The following BLOC1S6 variants were observed in gnomAD, a reference collection of about 807,000 sequenced individuals.
BLOC1S6 encodes the protein biogenesis of lysosome-related organelles complex 1 subunit 6.
In BLOC1S6, 24 loss-of-function variants were observed where a neutral mutation model predicts 24.7. The ratio of observed to expected loss-of-function variants is 0.97; its 90% CI spans 0.70 to 1.37. The LOEUF (loss-of-function observed/expected upper bound fraction) is 1.37. BLOC1S6 is among the 40% of genes most tolerant of loss of function. The pLI, the probability that BLOC1S6 is intolerant of heterozygous loss-of-function variation, is 0.00. For synonymous variants in BLOC1S6, 76 were observed against 72.6 expected, an observed-to-expected ratio of 1.05 and a Z score of -0.23; for missense variants, 175 against 196.2, an observed-to-expected ratio of 0.89 and a Z score of 0.64.
rs1441970960 is a variant in BLOC1S6, at chr15:45,608,410, TATA to T, written c.*1900_*1902del. The T allele has an allele frequency of 6.6e-6, 1 of 152,244 alleles. No individual in the cohort carries two copies. The highest frequency in any genetic ancestry group is 2.4e-5 in the African/African-American group (1 of 41,470). The allele number at this position is 152,244 out of a possible 1,614,324, so 9.4% of individuals were successfully genotyped here. ...CACCTAAATTGCTGAATGTACTCAT[TATA>T]ATATGATATCTGACAAAGGTAGTAC... is the stretch of plus-strand genomic sequence containing the variant. On this transcript the variant is annotated 3_prime_UTR_variant, in exon 5 of 5. Coordinates refer to ENST00000220531, the MANE Select transcript of BLOC1S6 (RefSeq NM_012388.4).
Position 45,605,447 on chromosome 15 carries a change from A to C in BLOC1S6, c.332A>C (p.Tyr111Ser). The C allele has an allele frequency of 6.2e-7, 1 of 1,612,566 alleles. No individual in the cohort carries two copies. Among genetic ancestry groups the C allele is most frequent in the Non-Finnish European group, 8.5e-7 (1 of 1,179,024 alleles). Reference protein sequence around the residue: ...INALFAEAKHYHAKLVNIRKE... With the variant: ...INALFAEAKHSHAKLVNIRKE... ...GTTAAGTTTGCTGAGGCTAAACACT[A>C]TCATGCCAAGTTGGTGAATATAAGA... Residue 111 changes from tyrosine (Y) to serine (S), a missense_variant, in exon 4 of 5, where the codon TAT (tyrosine) becomes TCT (serine). Coordinates refer to ENST00000220531, the MANE Select transcript of BLOC1S6 (RefSeq NM_012388.4).
chr15:45,587,944 T>C, intron 1 of BLOC1S6: 2 of 590,752 alleles, frequency 3.4e-6, no homozygotes, highest in Non-Finnish European at 6.0e-6. Context: ...ACTTCATCCC[T>C]ATTCCTGCAG....
intron 2 of BLOC1S6, among the ~76,000 whole-genome samples, chr15:45,592,983 T>G (rs966342374): frequency 6.6e-6 from 1 of 152,132 alleles, no homozygotes; most frequent in African/African-American, 2.4e-5. Context: ...ACCTACCCTT[T>G]GAAAACTTAC....
intron 1 of BLOC1S6, among the ~76,000 whole-genome samples, chr15:45,589,391 C>T (rs183995755): frequency 4.8e-4 from 73 of 152,300 alleles, no homozygotes; most frequent in African/African-American, 1.7e-3. Flanking sequence ...CAGTTTGTGC[C>T]TCCCTCTGTA....
At position 45,602,383 on chromosome 15, in the gene BLOC1S6, AC is replaced by A. The variant is rs1388551252; in HGVS notation, c.225-714del. 1.0e-5 allele frequency: 7 copies of A among 681,500 alleles called. No individual in the cohort carries two copies. In the East Asian group the frequency reaches 1.6e-4, roughly 16 times the overall value. 42.2% of individuals were successfully genotyped at this position (681,500 alleles called of 1,614,324 possible). A position where few individuals can be genotyped will look rare whatever the true frequency, so the allele number is the denominator to read the frequency against. ...ATTCTTTAAAATATTCAGGTAGGTG[AC>A]CCTTTTAATGTCACTTATTCCTGTG... On this transcript the variant is annotated intron_variant, in intron 2 of 4. Transcript: ENST00000220531.
upstream of BLOC1S6, chr15:45,587,231 G>C (rs1893703265): frequency 4.8e-5 from 30 of 619,472 alleles, no homozygotes; most frequent in East Asian, 8.4e-4. Flanking sequence ...ACTGCGTCCG[G>C]GGCCAGACGA....
At chr15:45,605,558 T>A in intron 4 of BLOC1S6, 44 bp downstream of exon 4, 2 of 1,352,722 alleles carry the variant, frequency 1.5e-6, no homozygotes, top group Non-Finnish European at 2.1e-6. Flanking sequence ...AGTAGAGGTT[T>A]AATTGTTTTT....
intron 2 of BLOC1S6, chr15:45,599,381 A>G: frequency 3.5e-5 from 3 of 86,152 alleles, no homozygotes; most frequent in Admixed American, 1.3e-4. Context: ...AGAAACTACC[A>G]TCAGAGTGAA....
At chr15:45,600,638 G>C (rs970765297) in intron 2 of BLOC1S6, among the ~76,000 whole-genome samples, 1 of 152,142 alleles carries the variant, frequency 6.6e-6, no homozygotes, top group African/African-American at 2.4e-5. Context: ...CCAGCTTTGC[G>C]TATTTGGCAG....
intron 1 of BLOC1S6, among the ~76,000 whole-genome samples, chr15:45,590,852 A>G (rs932193372): frequency 1.3e-5 from 2 of 152,164 alleles, no homozygotes; most frequent in Non-Finnish European, 2.9e-5. Context: ...TTGAAGAGAG[A>G]TGTTTCAGAG....
At position 45,587,549 on chromosome 15, in the gene BLOC1S6, G is replaced by T. The variant is rs559573954; in HGVS notation, c.82+24G>T. 11 of 1,552,248 alleles carry T rather than the reference G, an allele frequency of 7.1e-6. 1 individual carries two copies. The highest frequency in any genetic ancestry group is 1.8e-4 in the Middle Eastern group (1 of 5,406). ...TGGTACGTACTATCGGGTGGGAAGC[G>T]CGGCCCGGGCTGGGTGTGAGGGGCG... On this transcript the variant is annotated intron_variant, in intron 1 of 4. Transcript: ENST00000220531.
In BLOC1S6 at chr15:45,607,962, G is replaced by T. The variant is rs1894536812; in HGVS notation, c.*1448G>T. The T allele has an allele frequency of 1.3e-5, 2 of 152,288 alleles. No homozygotes were observed. Among genetic ancestry groups the T allele is most frequent in the Admixed American group, 6.6e-5 (1 of 15,258 alleles). 9.4% of individuals were successfully genotyped at this position (152,288 alleles called of 1,614,324 possible). Reference sequence around the variant, plus strand: ...AATTTATTGTTTGAGGGAAATACGAGGTTTCATTGTTTAAAATCAAGAGTG... The same window carrying T: ...AATTTATTGTTTGAGGGAAATACGATGTTTCATTGTTTAAAATCAAGAGTG... On this transcript the variant is annotated 3_prime_UTR_variant, in exon 5 of 5. Transcript: ENST00000220531.
intron 1 of BLOC1S6, among the ~76,000 whole-genome samples, chr15:45,589,097 A>T (rs1893791856): frequency 6.6e-6 from 1 of 152,258 alleles, no homozygotes; most frequent in African/African-American, 2.4e-5. Flanking sequence ...TGAAATAGCA[A>T]AAAGTGAAAA....
chr15:45,604,834 A>G (rs1161075980), intron 3 of BLOC1S6, among the ~76,000 whole-genome samples: 4 of 152,254 alleles, frequency 2.6e-5, no homozygotes, highest in South Asian at 4.1e-4. Context: ...ATAAGACTTC[A>G]TTTTAGATTA....
intron 2 of BLOC1S6, among the ~76,000 whole-genome samples, chr15:45,600,629 C>T (rs1400988688): frequency 6.6e-6 from 1 of 152,120 alleles, no homozygotes; most frequent in African/African-American, 2.4e-5. Context: ...AATATTGAAC[C>T]AGCTTTGCGT....
rs1894610495 is a variant in BLOC1S6, at chr15:45,609,685, AT to A, written c.*3174del. Reference sequence around the variant, plus strand: ...GTAAGATGAGAACTGCTTTTTACACATTTAATAAAAAAAGGTCTCTGAATTA... The same window carrying A: ...GTAAGATGAGAACTGCTTTTTACACATTAATAAAAAAAGGTCTCTGAATTA... On this transcript the variant is annotated 3_prime_UTR_variant, in exon 5 of 5. Transcript: ENST00000220531. The A allele has an allele frequency of 6.6e-6, 1 of 152,182 alleles. No homozygotes were observed. The highest frequency in any genetic ancestry group is 6.5e-5 in the Admixed American group (1 of 15,270). The allele number at this position is 152,182 out of a possible 1,614,324, so 9.4% of individuals were successfully genotyped here.
At position 45,605,430 on chromosome 15, in the gene BLOC1S6, T is replaced by G. The variant is rs759539185; in HGVS notation, c.315T>G (p.Phe105Leu). Residue 105 changes from phenylalanine (F) to leucine (L), a missense_variant and splice_region_variant, in exon 4 of 5, where the codon TTT (phenylalanine) becomes TTG (leucine). Phe to Leu is a conservative substitution (Grantham distance 22). Coordinates refer to ENST00000220531, the MANE Select transcript of BLOC1S6 (RefSeq NM_012388.4). ...CHSMLDINAL[F>L]AEAKHYHAKL... ...TTCATTTATTTTTCCATGTTAAGTT[T>G]GCTGAGGCTAAACACTATCATGCCA... The G allele has an allele frequency of 9.3e-6, 15 of 1,607,964 alleles. 1 individual carries two copies. In the East Asian group the frequency reaches 2.2e-4, roughly 24 times the overall value.
chr15:45,591,542 C>T (rs903281019), intron 1 of BLOC1S6, among the ~76,000 whole-genome samples: 6 of 152,064 alleles, frequency 3.9e-5, no homozygotes, highest in Non-Finnish European at 8.8e-5. Context: ...AAGTTATCCT[C>T]CCACCTCAGC....
intron 1 of BLOC1S6, among the ~76,000 whole-genome samples, chr15:45,591,474 C>G (rs1481870567): frequency 6.6e-6 from 1 of 151,954 alleles, no homozygotes; most frequent in Non-Finnish European, 1.5e-5. Context: ...GCTCCGCTGC[C>G]CAGGCTGGAG....
Sources: gnomAD v4.1 joint callset for allele counts (sites outside exome capture counted in the v4.1 genomes callset) on GRCh38, gnomAD v4.1.1 for gene constraint, MANE v1.5 for transcripts, NCBI Gene and HGNC (gene_info 2026-07-23, HGNC 2026-07-21) for gene names.